ACOT1: variants seen among roughly 807,000 people sequenced by gnomAD.
ACOT1 encodes acyl-coenzyme A thioesterase 1.
Under a neutral mutation model 15.7 loss-of-function variants are expected in ACOT1, and 8 were observed. That is an observed-to-expected ratio of 0.51 (90% CI 0.30 to 0.92). The LOEUF (loss-of-function observed/expected upper bound fraction) is 0.92, where lower values mean the gene tolerates loss of function less well. ACOT1 is among the 40% of genes least tolerant of loss of function. The pLI is 0.06. For synonymous variants in ACOT1, 67 were observed against 241.2 expected (o/e 0.28, Z 6.69); for missense variants, 151 against 539.4 (o/e 0.28, Z 7.13).
the ACOT1 span, among the ~76,000 whole-genome samples, chr14:73,495,870 G>A: frequency 7.9e-5 from 12 of 152,088 alleles, no homozygotes; most frequent in Non-Finnish European, 1.5e-4. Context: ...GCTCATGCCT[G>A]TAATCCCAGC....
the ACOT1 span, chr14:73,492,403 G>A: frequency 6.2e-7 from 1 of 1,613,836 alleles, no homozygotes; most frequent in Non-Finnish European, 8.5e-7. This position sits in a 1 kb window ranked among gnomAD's most constrained non-coding sequence, Gnocchi z 4.9. Flanking sequence ...TGGATTACAT[G>A]GGGGCCCAGC....
chr14:73,508,328 G>T, the ACOT1 span: 1 of 1,607,218 alleles, frequency 6.2e-7, no homozygotes, highest in South Asian at 1.1e-5. Flanking sequence ...GTTCAGAATG[G>T]TGATGTGTTT....
At chr14:73,511,318 G>C in the ACOT1 span, among the ~76,000 whole-genome samples, 1 of 151,698 alleles carries the variant, frequency 6.6e-6, no homozygotes, top group South Asian at 2.1e-4. Flanking sequence ...TTCAAGACCA[G>C]CCTGGCCAAC....
chr14:73,535,321 T>C (rs1446067821), upstream of ACOT1, among the ~76,000 whole-genome samples: 2 of 113,446 alleles, frequency 1.8e-5, 1 homozygote, highest in African/African-American at 5.7e-5. Flanking sequence ...GTCATACCAG[T>C]TTATATATCC....
At chr14:73,510,874 T>C in the ACOT1 span, among the ~76,000 whole-genome samples, 1 of 152,204 alleles carries the variant, frequency 6.6e-6, no homozygotes, top group Non-Finnish European at 1.5e-5. Context: ...GACACAATTC[T>C]AGGGTCCACA....
chr14:73,491,935 T>C, the ACOT1 span: 1 of 1,613,670 alleles, frequency 6.2e-7, no homozygotes, highest in African/African-American at 1.3e-5. Flanking sequence ...CTTTCTCTAC[T>C]ACTGTGTGGC....
chr14:73,492,163 C>T, the ACOT1 span: 681 of 1,613,992 alleles, frequency 4.2e-4, 2 homozygotes, highest in African/African-American at 7.8e-3. The surrounding 1 kb of genome is among the most constrained non-coding windows in gnomAD (Gnocchi z 4.9). Context: ...AGGACGACCT[C>T]GGTGAGCCGG....
upstream of ACOT1, among the ~76,000 whole-genome samples, chr14:73,535,434 G>A (rs558043583): frequency 1.0e-5 from 1 of 98,662 alleles, no homozygotes; most frequent in Admixed American, 1.2e-4. Context: ...TCAAACATAT[G>A]AACCCTCTCC....
chr14:73,522,998 C>G, the ACOT1 span: 1 of 1,614,034 alleles, frequency 6.2e-7, no homozygotes, highest in South Asian at 1.1e-5. Context: ...GTACTGTGAG[C>G]TGAAGAAGAC....
chr14:73,540,806 A>G (rs1889055560), intron 1 of ACOT1, among the ~76,000 whole-genome samples: 1 of 108,742 alleles, frequency 9.2e-6, no homozygotes, highest in African/African-American at 3.2e-5. Context: ...TAGTGGCACA[A>G]TCTTGGCTCA....
At chr14:73,491,397 C>T in the ACOT1 span, 225,904 of 1,352,086 alleles carry the variant, frequency 0.17, 20,292 homozygotes, top group Middle Eastern at 0.31. Context: ...CCCGCTTCCG[C>T]GCCGCCCGCG....
At chr14:73,492,967 A>G in the ACOT1 span, 2 of 1,605,728 alleles carry the variant, frequency 1.2e-6, no homozygotes, top group Non-Finnish European at 1.7e-6. The surrounding 1 kb of genome is among the most constrained non-coding windows in gnomAD (Gnocchi z 4.9). Flanking sequence ...GCTGGAAACA[A>G]GGCAGTAGTG....
the ACOT1 span, chr14:73,514,221 C>T: frequency 1.9e-6 from 3 of 1,614,108 alleles, no homozygotes; most frequent in Non-Finnish European, 2.5e-6. Flanking sequence ...GGGCTCCTTG[C>T]ACAGGTCTGT....
chr14:73,500,740 AC>A, the ACOT1 span: 47 of 1,609,966 alleles, frequency 2.9e-5, no homozygotes, highest in Non-Finnish European at 4.0e-5. Context: ...CCTGTAAGGC[AC>A]AAGTTGCTTT....
the ACOT1 span, chr14:73,496,513 G>A: frequency 1.3e-6 from 1 of 778,206 alleles, no homozygotes; most frequent in Non-Finnish European, 2.3e-6. Context: ...TGGGAAAAAG[G>A]GTATGTACAT....
the ACOT1 span, among the ~76,000 whole-genome samples, chr14:73,500,025 C>T: frequency 2.0e-5 from 3 of 152,192 alleles, no homozygotes; most frequent in African/African-American, 2.4e-5. Context: ...GTCAGGACAT[C>T]GAGACCATCC....
chr14:73,520,817 C>T, the ACOT1 span: 106 of 1,579,236 alleles, frequency 6.7e-5, no homozygotes, highest in African/African-American at 1.3e-3. Context: ...CCCATGTCCC[C>T]GTGTGCCCCT....
the ACOT1 span, among the ~76,000 whole-genome samples, chr14:73,511,633 G>T: frequency 6.6e-6 from 1 of 152,078 alleles, no homozygotes; most frequent in Non-Finnish European, 1.5e-5. Context: ...CCAGCAGTTT[G>T]GGAGGTTAAG....
the ACOT1 span, chr14:73,498,428 A>C: frequency 8.2e-7 from 1 of 1,217,122 alleles, no homozygotes; most frequent in East Asian, 2.6e-5. Flanking sequence ...TTTTGCAAAC[A>C]ATACCTTCCC....
Sources: gnomAD v4.1 joint callset for allele counts (sites outside exome capture counted in the v4.1 genomes callset) on GRCh38, gnomAD v4.1.1 for gene constraint, Gnocchi (gnomAD v3.1) non-coding constraint, MANE v1.5 for transcripts, NCBI Gene and HGNC (gene_info 2026-07-23, HGNC 2026-07-21) for gene names.